NRG1: variants seen among roughly 807,000 people sequenced by gnomAD.
NRG1 encodes the protein pro-neuregulin-1, membrane-bound isoform.
In NRG1, 18 loss-of-function variants were observed where a neutral mutation model predicts 63.8. That is an observed-to-expected ratio of 0.28 (90% CI 0.19 to 0.42). The LOEUF is 0.42. NRG1 is among the 10% of genes least tolerant of loss of function. The pLI is 1.00. For missense variants in NRG1, 762 were observed against 814.7 expected, an observed-to-expected ratio of 0.94 and a Z score of 0.79; for synonymous variants, 302 against 301.3, an observed-to-expected ratio of 1.00 and a Z score of -0.02.
intron 6 of NRG1, among the ~76,000 whole-genome samples, chr8:32,732,200 GAAAA>G (rs1193264775): frequency 2.6e-5 from 4 of 151,996 alleles, no homozygotes; most frequent in Admixed American, 6.6e-5. Flanking sequence ...TTATTCTGTG[GAAAA>G]AATAGTTACT....
chr8:31,762,163 G>A (rs1057362678), intron 1 of NRG1, among the ~76,000 whole-genome samples: 1 of 152,044 alleles, frequency 6.6e-6, no homozygotes, highest in Admixed American at 6.6e-5. Flanking sequence ...CATGTGACAT[G>A]GTGGTTTGCT....
intron 1 of NRG1, among the ~76,000 whole-genome samples, chr8:32,494,899 G>A (rs944137412): frequency 5.3e-5 from 8 of 152,146 alleles, no homozygotes; most frequent in Non-Finnish European, 1.0e-4. Flanking sequence ...CACAAAATGT[G>A]TAATTTGGGT....
intron 9 of NRG1, among the ~76,000 whole-genome samples, chr8:32,757,496 A>G (rs751676557): frequency 6.6e-6 from 1 of 152,206 alleles, no homozygotes; most frequent in Admixed American, 6.5e-5. Flanking sequence ...TTACTAAACT[A>G]TCAGCAAGTC....
At chr8:31,889,523 C>G (rs1249065670) in intron 1 of NRG1, among the ~76,000 whole-genome samples, 4 of 152,168 alleles carry the variant, frequency 2.6e-5, no homozygotes, top group African/African-American at 9.7e-5. Flanking sequence ...TCTGCTAAAG[C>G]TGAAGGAGTC....
intron 1 of NRG1, among the ~76,000 whole-genome samples, chr8:31,863,963 G>C (rs1331241402): frequency 6.6e-6 from 1 of 152,154 alleles, no homozygotes. Flanking sequence ...AACTTGTATA[G>C]TTGTATTTCC....
chr8:32,261,243 GT>G (rs1850332535), intron 1 of NRG1, among the ~76,000 whole-genome samples: 2 of 151,958 alleles, frequency 1.3e-5, no homozygotes, highest in Admixed American at 6.6e-5. Flanking sequence ...TATTTCATCA[GT>G]TTTTTCATTA....
chr8:31,887,214 G>C (rs187718745), intron 1 of NRG1, among the ~76,000 whole-genome samples: 1 of 151,924 alleles, frequency 6.6e-6, no homozygotes, highest in East Asian at 1.9e-4. Context: ...TGGTTTTCCC[G>C]TGATAGAGAC....
At chr8:32,642,359 C>T (rs924737297) in intron 5 of NRG1, among the ~76,000 whole-genome samples, 1 of 152,072 alleles carries the variant, frequency 6.6e-6, no homozygotes, top group African/African-American at 2.4e-5. Context: ...CCTGTATACA[C>T]GATGTAATTA....
At chr8:32,306,042 A>G (rs1856152482) in intron 1 of NRG1, among the ~76,000 whole-genome samples, 1 of 152,224 alleles carries the variant, frequency 6.6e-6, no homozygotes, top group South Asian at 2.1e-4. Flanking sequence ...CAGCTCAAGT[A>G]TCTTAGCAGA....
At chr8:32,370,201 G>C (rs1808624843) in intron 1 of NRG1, among the ~76,000 whole-genome samples, 1 of 152,148 alleles carries the variant, frequency 6.6e-6, no homozygotes, top group Admixed American at 6.6e-5. Flanking sequence ...AAATCATAGA[G>C]TGAATAGGAG....
At chr8:32,577,136 T>C (rs1479436275) in intron 1 of NRG1, among the ~76,000 whole-genome samples, 1 of 152,238 alleles carries the variant, frequency 6.6e-6, no homozygotes, top group Non-Finnish European at 1.5e-5. Flanking sequence ...TCCCTGTTGC[T>C]ACACAGGATG....
intron 1 of NRG1, among the ~76,000 whole-genome samples, chr8:32,487,673 G>A (rs1826070579): frequency 6.6e-6 from 1 of 152,170 alleles, no homozygotes; most frequent in Admixed American, 6.5e-5. Context: ...ACTGTCTTGT[G>A]AGCATTTGGT....
chr8:32,525,330 T>G (rs1448070647), intron 1 of NRG1, among the ~76,000 whole-genome samples: 3 of 152,148 alleles, frequency 2.0e-5, no homozygotes, highest in Non-Finnish European at 4.4e-5. Flanking sequence ...AAGTCAGTCT[T>G]TTGTCACAAG....
intron 1 of NRG1, among the ~76,000 whole-genome samples, chr8:31,978,729 C>T (rs1586218075): frequency 1.3e-5 from 2 of 152,104 alleles, no homozygotes; most frequent in African/African-American, 4.8e-5. Flanking sequence ...AAATAGACAG[C>T]ACCCTGTTTG....
chr8:31,952,423 C>A (rs1210893000), intron 1 of NRG1, among the ~76,000 whole-genome samples: 2 of 152,174 alleles, frequency 1.3e-5, no homozygotes, highest in South Asian at 2.1e-4. Context: ...TGGGGTGATA[C>A]AATGAATGAG....
chr8:32,330,469 G>A (rs1200273409), intron 1 of NRG1, among the ~76,000 whole-genome samples: 1 of 152,188 alleles, frequency 6.6e-6, no homozygotes, highest in African/African-American at 2.4e-5. Context: ...ATGCCTGTGG[G>A]GAAGTGAAGG....
At chr8:32,144,341 A>C (rs1467708541) in intron 1 of NRG1, among the ~76,000 whole-genome samples, 1 of 152,190 alleles carries the variant, frequency 6.6e-6, no homozygotes, top group Non-Finnish European at 1.5e-5. Context: ...GTAGTGAAGT[A>C]TCTGAATCTG....
At chr8:32,619,321 T>G (rs1246590128) in intron 5 of NRG1, among the ~76,000 whole-genome samples, 1 of 152,156 alleles carries the variant, frequency 6.6e-6, no homozygotes, top group East Asian at 1.9e-4. Flanking sequence ...TCATGTGCCG[T>G]GTAGGGGACC....
At chr8:32,126,810 C>G (rs931484057) in intron 1 of NRG1, among the ~76,000 whole-genome samples, 6 of 151,896 alleles carry the variant, frequency 4.0e-5, no homozygotes, top group African/African-American at 1.2e-4. Flanking sequence ...GTATTTCCAA[C>G]ATCCCAGAGT....
Sources: gnomAD v4.1 joint callset for allele counts (sites outside exome capture counted in the v4.1 genomes callset) on GRCh38, gnomAD v4.1.1 for gene constraint, MANE v1.5 for transcripts, NCBI Gene and HGNC (gene_info 2026-07-23, HGNC 2026-07-21) for gene names.